Variants in TENM2 observed in about 807,000 individuals in gnomAD.
TENM2 encodes teneurin-2.
A neutral mutation model predicts 245.2 loss-of-function variants in TENM2; 52 were observed. The observed-to-expected ratio is 0.21, with a 90% CI of 0.17 to 0.27. The LOEUF (loss-of-function observed/expected upper bound fraction) is 0.27. Ranked by LOEUF, TENM2 falls within the 10% of genes least tolerant of loss-of-function variation. The pLI, the probability that TENM2 is intolerant of heterozygous loss-of-function variation, is 1.00. For synonymous variants in TENM2, 1,363 were observed against 1,438.9 expected, an observed-to-expected ratio of 0.95 and a Z score of 1.19; for missense variants, 3,046 against 3,666.8, an observed-to-expected ratio of 0.83 and a Z score of 4.37.
At position 167,801,140 on chromosome 5, in the gene TENM2, ATATATATATATATG is replaced by A. The variant is rs1182612503; in HGVS notation, c.503-74838_503-74825del. Among the ~76,000 whole-genome samples the A allele has an allele frequency of 1.5e-3, 151 of 101,450 alleles. 2 individuals are homozygous for A. Among genetic ancestry groups the A allele is most frequent in the East Asian group, 0.015 (54 of 3,650 alleles). 66.6% of individuals were successfully genotyped at this position (101,450 alleles called of 152,430 possible). A position where few individuals can be genotyped will look rare whatever the true frequency, so the allele number is the denominator to read the frequency against. On this transcript the variant is annotated intron_variant, in intron 2 of 28. Coordinates refer to ENST00000518659, the Ensembl canonical transcript of TENM2. ...TATATATATATATATATATATATAT[ATATATATATATATG>A]TATATATTCCCCAGGGTCAAAGTGT...
the TENM2 span, among the ~76,000 whole-genome samples, chr5:166,990,611 G>GT: frequency 7.1e-6 from 1 of 141,510 alleles, no homozygotes; most frequent in Non-Finnish European, 1.6e-5. Flanking sequence ...TTCGGAGATG[G>GT]TTTTTTACCG....
rs181353910 is a variant in TENM2 at position 167,751,212 on chromosome 5, G to T, written c.503-124774G>T. ...GGATCACCTTAAAGAGGTTCTTAAA[G>T]AGGTAAGAACCCTATGGACTCTGCC... On this transcript the variant is annotated intron_variant, in intron 2 of 28. Coordinates refer to ENST00000518659, the Ensembl canonical transcript of TENM2. 5.8e-4 allele frequency among the ~76,000 whole-genome samples: 89 copies of T among 152,294 alleles called. 2 individuals carry two copies. Among genetic ancestry groups the T allele is most frequent in the African/African-American group, 2.1e-3 (88 of 41,568 alleles).
At chr5:167,140,407 C>T in the TENM2 span, among the ~76,000 whole-genome samples, 1 of 152,150 alleles carries the variant, frequency 6.6e-6, no homozygotes, top group African/African-American at 2.4e-5. Flanking sequence ...TTTTTTTGTA[C>T]TCATTAACCA....
At chr5:167,554,566 C>T (rs1773143560) in intron 2 of TENM2, among the ~76,000 whole-genome samples, 1 of 152,192 alleles carries the variant, frequency 6.6e-6, no homozygotes, top group Admixed American at 6.5e-5. Context: ...TTCCAATGGC[C>T]ACCATTCTAA....
At chr5:167,582,531 T>G (rs762362551) in intron 2 of TENM2, among the ~76,000 whole-genome samples, 1 of 152,272 alleles carries the variant, frequency 6.6e-6, no homozygotes, top group African/African-American at 2.4e-5. Context: ...ATTTTTCAAA[T>G]GGTGAAATGA....
At chr5:167,907,973 T>G (rs1776238595) in intron 3 of TENM2, among the ~76,000 whole-genome samples, 2 of 152,060 alleles carry the variant, frequency 1.3e-5, no homozygotes, top group Non-Finnish European at 2.9e-5. Context: ...TGTTTATAGA[T>G]AGATAACCAT....
chr5:168,257,915 G>A (rs1445508226), intron 27 of TENM2, among the ~76,000 whole-genome samples: 1 of 152,100 alleles, frequency 6.6e-6, no homozygotes, highest in Non-Finnish European at 1.5e-5. Context: ...TGCCCGGCCA[G>A]CTCCTGATTG....
chr5:167,988,228 A>G (rs555497478), intron 4 of TENM2, among the ~76,000 whole-genome samples: 50 of 152,294 alleles, frequency 3.3e-4, no homozygotes, highest in Admixed American at 2.2e-3. Flanking sequence ...TGTTCACAGC[A>G]CTATTCTTTT....
At chr5:167,076,167 G>C in the TENM2 span, among the ~76,000 whole-genome samples, 32 of 152,136 alleles carry the variant, frequency 2.1e-4, no homozygotes, top group Non-Finnish European at 4.4e-4. Context: ...TGTGTATAGA[G>C]TGGTTTTTAT....
intron 2 of TENM2, among the ~76,000 whole-genome samples, chr5:167,809,162 T>G (rs1281884475): frequency 1.3e-5 from 2 of 152,058 alleles, no homozygotes; most frequent in African/African-American, 4.8e-5. Context: ...AGAACCAAGA[T>G]CCACAGTTGG....
At chr5:167,847,486 A>C (rs1770156283) in intron 2 of TENM2, among the ~76,000 whole-genome samples, 1 of 152,160 alleles carries the variant, frequency 6.6e-6, no homozygotes, top group Non-Finnish European at 1.5e-5. Context: ...AAACAAATCA[A>C]ATGCCAACCT....
At chr5:168,019,523 G>A (rs923823225) in intron 5 of TENM2, among the ~76,000 whole-genome samples, 2 of 152,166 alleles carry the variant, frequency 1.3e-5, no homozygotes, top group African/African-American at 4.8e-5. Context: ...TGAATCTGGT[G>A]GGAGGGGAAA....
At chr5:167,893,524 G>C (rs1281411475) in intron 3 of TENM2, among the ~76,000 whole-genome samples, 1 of 151,940 alleles carries the variant, frequency 6.6e-6, no homozygotes, top group Non-Finnish European at 1.5e-5. Context: ...TTTCCTTTTG[G>C]CTTATCACAA....
intron 2 of TENM2, among the ~76,000 whole-genome samples, chr5:167,543,442 A>G (rs1007148681): frequency 2.6e-5 from 4 of 152,166 alleles, no homozygotes; most frequent in Non-Finnish European, 4.4e-5. Flanking sequence ...GATGGGAATA[A>G]TTGTTCTGGC....
intron 3 of TENM2, among the ~76,000 whole-genome samples, chr5:167,899,159 G>A (rs1775484059): frequency 6.6e-6 from 1 of 152,092 alleles, no homozygotes; most frequent in Non-Finnish European, 1.5e-5. Flanking sequence ...GAGAAAAGAG[G>A]AGAAAGAGGA....
intron 2 of TENM2, among the ~76,000 whole-genome samples, chr5:167,623,639 A>C (rs1582574377): frequency 1.3e-5 from 2 of 152,174 alleles, no homozygotes; most frequent in Non-Finnish European, 2.9e-5. Flanking sequence ...TCTCGGAAGG[A>C]ATCCTGGCAG....
At chr5:167,613,871 A>T (rs1408343588) in intron 2 of TENM2, among the ~76,000 whole-genome samples, 1 of 152,172 alleles carries the variant, frequency 6.6e-6, no homozygotes, top group East Asian at 1.9e-4. Flanking sequence ...AATTTTATGT[A>T]GAAATGACTA....
At chr5:167,021,958 C>T in the TENM2 span, among the ~76,000 whole-genome samples, 2 of 152,126 alleles carry the variant, frequency 1.3e-5, no homozygotes, top group Non-Finnish European at 2.9e-5. Flanking sequence ...CAAGACCTAA[C>T]CCATTGTATA....
At chr5:167,493,013 G>T (rs945399790) in intron 2 of TENM2, among the ~76,000 whole-genome samples, 4 of 152,124 alleles carry the variant, frequency 2.6e-5, no homozygotes, top group African/African-American at 9.7e-5. Flanking sequence ...TTTGAGCATG[G>T]ATTAGGTAAG....
Sources: gnomAD v4.1 joint callset for allele counts (sites outside exome capture counted in the v4.1 genomes callset) on GRCh38, gnomAD v4.1.1 for gene constraint, MANE v1.5 for transcripts, NCBI Gene and HGNC (gene_info 2026-07-23, HGNC 2026-07-21) for gene names.